Variants in ZMAT4 observed in about 807,000 individuals in gnomAD.
The protein encoded by ZMAT4 is zinc finger matrin-type 4.
Under a neutral mutation model 28.7 loss-of-function variants are expected in ZMAT4, and 17 were observed. The ratio of observed to expected loss-of-function variants is 0.59; its 90% CI spans 0.41 to 0.89. The LOEUF (loss-of-function observed/expected upper bound fraction) is 0.89, where lower values mean the gene tolerates loss of function less well. Among genes scored for constraint, ZMAT4 ranks in the 40% least tolerant of loss-of-function variants. The pLI, the probability that ZMAT4 is intolerant of heterozygous loss-of-function variation, is 0.00. For missense variants in ZMAT4, 240 were observed against 283.8 expected, an observed-to-expected ratio of 0.85 and a Z score of 1.11; for synonymous variants, 117 against 109.2, an observed-to-expected ratio of 1.07 and a Z score of -0.44.
intron 1 of ZMAT4, among the ~76,000 whole-genome samples, chr8:40,856,113 A>C (rs934092437): frequency 6.6e-6 from 1 of 152,204 alleles, no homozygotes; most frequent in Non-Finnish European, 1.5e-5. Flanking sequence ...CAGGACAGGC[A>C]GAGGGGATGT....
chr8:40,842,678 C>T (rs373870051), intron 1 of ZMAT4, among the ~76,000 whole-genome samples: 2 of 152,200 alleles, frequency 1.3e-5, no homozygotes, highest in African/African-American at 4.8e-5. Context: ...CTTAATTCCA[C>T]TTTGAATTTC....
At chr8:40,820,510 A>T (rs921323180) in intron 2 of ZMAT4, among the ~76,000 whole-genome samples, 2 of 141,306 alleles carry the variant, frequency 1.4e-5, no homozygotes, top group East Asian at 4.4e-4. Flanking sequence ...GTATGTGTGT[A>T]TTGGTGTGTA....
chr8:40,873,571 C>T (rs143068865), intron 1 of ZMAT4, among the ~76,000 whole-genome samples: 4 of 152,238 alleles, frequency 2.6e-5, no homozygotes, highest in African/African-American at 9.6e-5. Flanking sequence ...GGCAAGATGG[C>T]TTCTCCTTCA....
intron 1 of ZMAT4, among the ~76,000 whole-genome samples, chr8:40,867,464 T>A (rs1817716841): frequency 6.6e-6 from 1 of 152,116 alleles, no homozygotes; most frequent in African/African-American, 2.4e-5. Flanking sequence ...TTTCTCAGAG[T>A]AAAAGCCAAA....
At chr8:40,568,402 C>T (rs1054110882) in intron 6 of ZMAT4, among the ~76,000 whole-genome samples, 3 of 152,146 alleles carry the variant, frequency 2.0e-5, no homozygotes, top group East Asian at 1.9e-4. Context: ...TGGATCACTT[C>T]TTCTATCCCG....
intron 1 of ZMAT4, among the ~76,000 whole-genome samples, chr8:40,878,002 G>A (rs973774243): frequency 7.9e-5 from 12 of 152,214 alleles, no homozygotes; most frequent in Non-Finnish European, 8.8e-5. Context: ...TGGAGCCTCC[G>A]AGGATTTTAG....
At chr8:40,821,545 G>C (rs1815829753) in intron 2 of ZMAT4, among the ~76,000 whole-genome samples, 1 of 152,096 alleles carries the variant, frequency 6.6e-6, no homozygotes, top group South Asian at 2.1e-4. Flanking sequence ...TGGTTGGTTA[G>C]ACATATATTA....
chr8:40,666,046 T>G (rs1268797481), intron 5 of ZMAT4, among the ~76,000 whole-genome samples: 1 of 152,202 alleles, frequency 6.6e-6, no homozygotes, highest in African/African-American at 2.4e-5. Context: ...CTAAAGTATT[T>G]AAAAGAATAA....
At chr8:40,881,311 C>A (rs1818212884) in intron 1 of ZMAT4, among the ~76,000 whole-genome samples, 1 of 151,212 alleles carries the variant, frequency 6.6e-6, no homozygotes, top group Admixed American at 6.6e-5. Context: ...ATCACCTGAG[C>A]CCAGGAGGTA....
Position 40,875,381 on chromosome 8 carries a change from A to G in ZMAT4, c.-5+22302T>C, listed in dbSNP as rs1309617719. ...GACAAGCGCATGTTGAGGGGGAGACAACAGACGAGCTGATAAGCTTGTTGT... is the reference window on the plus strand; with the variant it reads ...GACAAGCGCATGTTGAGGGGGAGACGACAGACGAGCTGATAAGCTTGTTGT... On this transcript the variant is annotated intron_variant, in intron 1 of 6. Coordinates refer to ENST00000297737, the MANE Select transcript of ZMAT4 (RefSeq NM_024645.3). Among the ~76,000 whole-genome samples the G allele has an allele frequency of 2.6e-5, 4 of 152,110 alleles. No individual in the cohort carries two copies. In the East Asian group the frequency reaches 5.8e-4, roughly 22 times the overall value.
At chr8:40,759,915 C>G (rs984678891) in intron 3 of ZMAT4, among the ~76,000 whole-genome samples, 1 of 152,176 alleles carries the variant, frequency 6.6e-6, no homozygotes, top group Non-Finnish European at 1.5e-5. Flanking sequence ...CAAACTCTCC[C>G]AATTCCCATT....
intron 3 of ZMAT4, among the ~76,000 whole-genome samples, chr8:40,700,181 G>A (rs1252442826): frequency 1.3e-5 from 2 of 152,034 alleles, no homozygotes; most frequent in South Asian, 2.1e-4. Context: ...CAGAAAATAA[G>A]GGGAAGTATT....
intron 1 of ZMAT4, among the ~76,000 whole-genome samples, chr8:40,858,617 A>G (rs1489133766): frequency 6.6e-6 from 1 of 152,172 alleles, no homozygotes; most frequent in Non-Finnish European, 1.5e-5. Flanking sequence ...AACTGGAAAA[A>G]TTTTAGGCTC....
At chr8:40,814,046 G>T (rs1332577827) in intron 2 of ZMAT4, among the ~76,000 whole-genome samples, 1 of 152,222 alleles carries the variant, frequency 6.6e-6, no homozygotes. Context: ...GAGCAGAGAT[G>T]CCAAGATGGC....
At chr8:40,863,726 A>G (rs909970004) in intron 1 of ZMAT4, among the ~76,000 whole-genome samples, 1 of 152,176 alleles carries the variant, frequency 6.6e-6, no homozygotes, top group African/African-American at 2.4e-5. Flanking sequence ...GATGAGGGGA[A>G]TACACAAAAT....
Position 40,530,960 on chromosome 8 carries a change from T to C in ZMAT4, c.*1263A>G, listed in dbSNP as rs1199048169. On this transcript the variant is annotated 3_prime_UTR_variant, in exon 7 of 7. Transcript: ENST00000297737. The stretch of plus-strand genomic sequence containing the variant: ...ACTGAGTTGTTGCCACCTCAGCTCT[T>C]GGTGGAAAACAGTGGGTGTCCAGAA... 2.0e-5 allele frequency: 3 copies of C among 152,630 alleles called. No individual in the cohort carries two copies. The highest frequency in any genetic ancestry group is 4.4e-5 in the Non-Finnish European group (3 of 68,076). 9.5% of individuals were successfully genotyped at this position (152,630 alleles called of 1,614,324 possible). A position where few individuals can be genotyped will look rare whatever the true frequency, so the allele number is the denominator to read the frequency against.
At chr8:40,614,738 G>A (rs902153963) in intron 5 of ZMAT4, among the ~76,000 whole-genome samples, 2 of 152,162 alleles carry the variant, frequency 1.3e-5, no homozygotes, top group African/African-American at 4.8e-5. Context: ...TCAGAGACTA[G>A]GATTGCAACC....
At chr8:40,793,773 T>A (rs560297302) in intron 2 of ZMAT4, among the ~76,000 whole-genome samples, 1 of 152,234 alleles carries the variant, frequency 6.6e-6, no homozygotes, top group South Asian at 2.1e-4. Flanking sequence ...GGTTGAGGGG[T>A]CCCCTGAGGT....
At chr8:40,712,841 A>T (rs1810685159) in intron 3 of ZMAT4, among the ~76,000 whole-genome samples, 1 of 152,140 alleles carries the variant, frequency 6.6e-6, no homozygotes, top group African/African-American at 2.4e-5. Flanking sequence ...ATCACATCTC[A>T]TAATGGCACT....
Sources: allele counts gnomAD v4.1 joint callset (sites outside exome capture counted in the v4.1 genomes callset), GRCh38; gene constraint gnomAD v4.1.1; transcripts MANE v1.5; gene names NCBI Gene and HGNC (gene_info 2026-07-23, HGNC 2026-07-21).